Variants in PRKN observed in about 807,000 individuals in gnomAD.
PRKN encodes E3 ubiquitin-protein ligase parkin.
A neutral mutation model predicts 59.5 loss-of-function variants in PRKN; 56 were observed. The observed-to-expected ratio is 0.94, with a 90% confidence interval of 0.76 to 1.18. The LOEUF (loss-of-function observed/expected upper bound fraction) is 1.18. Among genes scored for constraint, PRKN ranks in the 50% most tolerant of loss-of-function variants. The pLI, the probability that PRKN is intolerant of heterozygous loss-of-function variation, is 0.00. For synonymous variants in PRKN, 250 were observed against 222.1 expected, an observed-to-expected ratio of 1.13 and a Z score of -1.12; for missense variants, 657 against 596.4, an observed-to-expected ratio of 1.10 and a Z score of -1.06.
intron 3 of PRKN, among the ~76,000 whole-genome samples, chr6:162,228,986 G>T (rs2075984473): frequency 6.6e-6 from 1 of 152,142 alleles, no homozygotes; most frequent in Non-Finnish European, 1.5e-5. Context: ...ATGATGGAAG[G>T]TACCACAGCG....
At chr6:162,473,494 G>C (rs1684069465) in intron 1 of PRKN, among the ~76,000 whole-genome samples, 2 of 152,094 alleles carry the variant, frequency 1.3e-5, no homozygotes, top group Admixed American at 1.3e-4. Flanking sequence ...AGAAGGACTA[G>C]TAAAGCCACC....
chr6:162,684,154 T>C (rs1021406171), intron 1 of PRKN, among the ~76,000 whole-genome samples: 3 of 152,150 alleles, frequency 2.0e-5, no homozygotes, highest in Non-Finnish European at 4.4e-5. Flanking sequence ...TAATAGGCTG[T>C]CTTCATTTCA....
At chr6:162,322,074 G>T (rs759053958) in intron 2 of PRKN, among the ~76,000 whole-genome samples, 6 of 147,500 alleles carry the variant, frequency 4.1e-5, no homozygotes, top group Non-Finnish European at 7.5e-5. Context: ...TGACTTGATT[G>T]CCTCCATAGA....
intron 7 of PRKN, among the ~76,000 whole-genome samples, chr6:161,649,316 T>G (rs1447676952): frequency 6.6e-6 from 1 of 152,194 alleles, no homozygotes; most frequent in East Asian, 1.9e-4. Flanking sequence ...GCACCTGTGC[T>G]GAGAACCAGG....
At chr6:161,989,418 G>A (rs1356629140) in intron 5 of PRKN, among the ~76,000 whole-genome samples, 1 of 152,006 alleles carries the variant, frequency 6.6e-6, no homozygotes, top group African/African-American at 2.4e-5. Flanking sequence ...GGAGCCTGGG[G>A]GTCAACCTAC....
intron 4 of PRKN, among the ~76,000 whole-genome samples, chr6:162,153,176 C>G (rs534029411): frequency 6.6e-6 from 1 of 152,368 alleles, no homozygotes; most frequent in African/African-American, 2.4e-5. Context: ...GCCCACCATG[C>G]TAAACCCCTC....
chr6:162,258,461 C>T (rs532661401), intron 3 of PRKN, among the ~76,000 whole-genome samples: 1 of 152,338 alleles, frequency 6.6e-6, no homozygotes, highest in East Asian at 1.9e-4. Context: ...ACACCAATAA[C>T]ACATGAAGGT....
At chr6:161,403,298 A>T (rs1787127447) in intron 9 of PRKN, among the ~76,000 whole-genome samples, 1 of 152,152 alleles carries the variant, frequency 6.6e-6, no homozygotes, top group Admixed American at 6.5e-5. Flanking sequence ...GCCTAACGAC[A>T]TAGATCATGG....
At chr6:162,705,586 C>A (rs1040900509) in intron 1 of PRKN, among the ~76,000 whole-genome samples, 1 of 152,172 alleles carries the variant, frequency 6.6e-6, no homozygotes, top group African/African-American at 2.4e-5. Flanking sequence ...TCAAACACTG[C>A]ATGAAGACCT....
chr6:161,629,909 C>A (rs907586032), intron 7 of PRKN, among the ~76,000 whole-genome samples: 1 of 152,162 alleles, frequency 6.6e-6, no homozygotes, highest in Admixed American at 6.5e-5. Flanking sequence ...ACTCTGCTTC[C>A]ACTCTGTGAC....
intron 4 of PRKN, among the ~76,000 whole-genome samples, chr6:162,111,626 C>A (rs1780443863): frequency 2.0e-5 from 3 of 151,332 alleles, no homozygotes; most frequent in African/African-American, 7.3e-5. Context: ...GCAAGTGGGT[C>A]AAAAGATAAA....
chr6:161,642,451 A>G (rs1027936226), intron 7 of PRKN, among the ~76,000 whole-genome samples: 6 of 152,198 alleles, frequency 3.9e-5, no homozygotes, highest in African/African-American at 1.4e-4. Flanking sequence ...AATTATTGTG[A>G]TATTTATGGA....
rs568739501 is a variant in PRKN at position 162,316,548 on chromosome 6, A to T, written c.172-53783T>A. On this transcript the variant is annotated intron_variant, in intron 2 of 11. Transcript: ENST00000366898. ...ACACTGTTCTTTCTTTCATGCACAC[A>T]TTCCACCGACAAACAGCCAAAAATT... is the stretch of plus-strand genomic sequence containing the variant. 1.7e-4 allele frequency among the ~76,000 whole-genome samples: 26 copies of T among 152,290 alleles called. No homozygotes were observed. In the East Asian group the frequency reaches 3.1e-3, roughly 18 times the overall value.
intron 7 of PRKN, among the ~76,000 whole-genome samples, chr6:161,698,218 T>A (rs779327494): frequency 3.2e-4 from 49 of 152,020 alleles, no homozygotes; most frequent in Admixed American, 6.6e-4. Flanking sequence ...TCACACCAAA[T>A]ACAAATATGC....
intron 4 of PRKN, among the ~76,000 whole-genome samples, chr6:162,115,679 T>C (rs899698498): frequency 6.6e-6 from 1 of 150,782 alleles, no homozygotes; most frequent in East Asian, 1.9e-4. Flanking sequence ...GCCTTGAGTG[T>C]TCGGAGGATC....
intron 1 of PRKN, among the ~76,000 whole-genome samples, chr6:162,460,055 AC>A (rs1195214536): frequency 1.3e-5 from 2 of 152,200 alleles, no homozygotes; most frequent in African/African-American, 4.8e-5. Flanking sequence ...CCAAATAAAA[AC>A]TTGCACATGA....
intron 10 of PRKN, among the ~76,000 whole-genome samples, chr6:161,384,992 C>A (rs755128825): frequency 2.0e-5 from 3 of 152,114 alleles, no homozygotes; most frequent in African/African-American, 7.2e-5. Flanking sequence ...TGCAGTGGTG[C>A]GATCTCAGCT....
Position 161,581,937 on chromosome 6 carries a change from C to T in PRKN, c.872-12521G>A, listed in dbSNP as rs958389180. ...AGTCCACTCTTCACAGTGCTTAGGG[C>T]GTCCTTCGCTCATACTTCTTTGAAC... is the stretch of plus-strand genomic sequence containing the variant. On this transcript the variant is annotated intron_variant, in intron 7 of 11. Coordinates refer to ENST00000366898, the MANE Select transcript of PRKN (RefSeq NM_004562.3). This position sits in a 1 kb window ranked among gnomAD's most constrained non-coding sequence, Gnocchi z 4.5. 3.3e-5 allele frequency among the ~76,000 whole-genome samples: 5 copies of T among 152,148 alleles called. No individual in the cohort carries two copies. Among genetic ancestry groups the T allele is most frequent in the East Asian group, 1.9e-4 (1 of 5,198 alleles).
intron 5 of PRKN, among the ~76,000 whole-genome samples, chr6:162,036,541 G>A (rs941594333): frequency 6.6e-6 from 1 of 151,172 alleles, no homozygotes; most frequent in East Asian, 2.0e-4. Context: ...CACCACGCTC[G>A]GCTAATTTTT....
Sources: gnomAD v4.1 joint callset for allele counts (sites outside exome capture counted in the v4.1 genomes callset) on GRCh38, gnomAD v4.1.1 for gene constraint, Gnocchi (gnomAD v3.1) non-coding constraint, MANE v1.5 for transcripts, NCBI Gene and HGNC (gene_info 2026-07-23, HGNC 2026-07-21) for gene names.